The following IGSF21 variants were observed in gnomAD, a reference collection of about 807,000 sequenced individuals.
The protein encoded by IGSF21 is immunoglobulin superfamily member 21.
IGSF21 carries 28 observed loss-of-function variants against 46.8 expected under a neutral mutation model. That is an observed-to-expected ratio of 0.60 (90% CI 0.44 to 0.82). The LOEUF (loss-of-function observed/expected upper bound fraction) is 0.82. Ranked by LOEUF, IGSF21 falls within the 40% of genes least tolerant of loss-of-function variation. The pLI is 0.00. For missense variants in IGSF21, 624 were observed against 665.5 expected (o/e 0.94, Z 0.69); for synonymous variants, 284 against 273.6 (o/e 1.04, Z -0.38).
intron 2 of IGSF21, among the ~76,000 whole-genome samples, chr1:18,272,435 T>A (rs1280742922): frequency 1.3e-5 from 2 of 152,212 alleles, no homozygotes; most frequent in East Asian, 3.8e-4. Flanking sequence ...CTGCGTGGAA[T>A]AAGAGCCCTG....
intron 1 of IGSF21, among the ~76,000 whole-genome samples, chr1:18,215,209 A>G (rs2084431838): frequency 6.6e-6 from 1 of 152,224 alleles, no homozygotes; most frequent in African/African-American, 2.4e-5. Context: ...GCGAAACCAT[A>G]TCACCTGTAG....
At chr1:18,362,767 T>C (rs1294538807) in intron 5 of IGSF21, among the ~76,000 whole-genome samples, 1 of 152,182 alleles carries the variant, frequency 6.6e-6, no homozygotes, top group Non-Finnish European at 1.5e-5. Context: ...AATTCCTTTT[T>C]GACCAACTTA....
In IGSF21 at chr1:18,375,589, G is replaced by A. The variant is rs1321856663; in HGVS notation, c.1016-721G>A. ...AGAGGTGATACAAGAAAGTGAGGAA[G>A]AGAGGCAGGGAGGCTGTGCACAAGG... On this transcript the variant is annotated intron_variant, in intron 6 of 9. Coordinates refer to ENST00000251296, the MANE Select transcript of IGSF21 (RefSeq NM_032880.5). 3.3e-5 allele frequency among the ~76,000 whole-genome samples: 5 copies of A among 152,184 alleles called. No individual in the cohort carries two copies. In the East Asian group the frequency reaches 9.7e-4, roughly 29 times the overall value.
At chr1:18,183,188 C>G (rs2124470426) in intron 1 of IGSF21, among the ~76,000 whole-genome samples, 1 of 152,316 alleles carries the variant, frequency 6.6e-6, no homozygotes, top group East Asian at 1.9e-4. Context: ...TTACCTTGCC[C>G]TGCATGTCTG....
At chr1:18,254,730 G>A (rs939378285) in intron 2 of IGSF21, among the ~76,000 whole-genome samples, 2 of 152,242 alleles carry the variant, frequency 1.3e-5, no homozygotes. Context: ...GACATAGGTT[G>A]TCCAAGCCAA....
intron 1 of IGSF21, among the ~76,000 whole-genome samples, chr1:18,142,474 C>A (rs1049039482): frequency 6.6e-6 from 1 of 152,266 alleles, no homozygotes; most frequent in East Asian, 1.9e-4. Context: ...TTCTTCTCCC[C>A]CTGCCCAAAA....
intron 3 of IGSF21, among the ~76,000 whole-genome samples, chr1:18,320,064 C>A (rs748384883): frequency 1.1e-4 from 17 of 152,190 alleles, no homozygotes; most frequent in Non-Finnish European, 2.1e-4. Context: ...CTTCTCAGAG[C>A]TGGGTACTGT....
chr1:18,117,420 T>C (rs990303392), intron 1 of IGSF21, among the ~76,000 whole-genome samples: 1 of 152,228 alleles, frequency 6.6e-6, no homozygotes, highest in African/African-American at 2.4e-5. Context: ...GCATGGGCTT[T>C]GTAGTCTAAC....
At chr1:18,344,034 G>T (rs1423458590) in intron 4 of IGSF21, among the ~76,000 whole-genome samples, 1 of 152,180 alleles carries the variant, frequency 6.6e-6, no homozygotes, top group African/African-American at 2.4e-5. Flanking sequence ...CTTCCAGGAG[G>T]CCCAGCCAGA....
intron 1 of IGSF21, among the ~76,000 whole-genome samples, chr1:18,129,486 C>T (rs767587454): frequency 1.2e-4 from 18 of 152,274 alleles, no homozygotes; most frequent in Non-Finnish European, 2.6e-4. Context: ...CACGCCACCT[C>T]GATGAGCCTC....
At chr1:18,300,991 T>A (rs115407175) in intron 3 of IGSF21, among the ~76,000 whole-genome samples, 1 of 152,182 alleles carries the variant, frequency 6.6e-6, no homozygotes, top group African/African-American at 2.4e-5. Context: ...GCCCAGGGCC[T>A]CCGTAAAGAT....
chr1:18,145,639 T>C (rs944993604), intron 1 of IGSF21, among the ~76,000 whole-genome samples: 1 of 151,890 alleles, frequency 6.6e-6, no homozygotes, highest in East Asian at 1.9e-4. Context: ...ATACGAGGAC[T>C]GTAATTTATG....
intron 5 of IGSF21, among the ~76,000 whole-genome samples, chr1:18,362,847 G>T (rs912084224): frequency 6.6e-6 from 1 of 152,158 alleles, no homozygotes; most frequent in African/African-American, 2.4e-5. Flanking sequence ...CTCTTGAAGG[G>T]GGTGGGGCAG....
At chr1:18,148,535 G>T (rs1189516905) in intron 1 of IGSF21, among the ~76,000 whole-genome samples, 4 of 152,202 alleles carry the variant, frequency 2.6e-5, no homozygotes, top group African/African-American at 9.6e-5. Flanking sequence ...TAGTGGTAAA[G>T]CTGGGATTTG....
At chr1:18,227,555 A>G (rs1366714172) in intron 1 of IGSF21, among the ~76,000 whole-genome samples, 2 of 151,900 alleles carry the variant, frequency 1.3e-5, no homozygotes, top group Non-Finnish European at 2.9e-5. Flanking sequence ...GGGGTATCTT[A>G]TAGAAATACA....
intron 1 of IGSF21, among the ~76,000 whole-genome samples, chr1:18,141,060 T>A (rs538665033): frequency 6.6e-6 from 1 of 152,300 alleles, no homozygotes; most frequent in Non-Finnish European, 1.5e-5. Context: ...CCAGTCTCCA[T>A]GCCTTCACAA....
At chr1:18,310,530 T>C (rs2085479515) in intron 3 of IGSF21, among the ~76,000 whole-genome samples, 1 of 152,216 alleles carries the variant, frequency 6.6e-6, no homozygotes, top group South Asian at 2.1e-4. Context: ...CTTCCAGTTT[T>C]TGAGCCATGA....
chr1:18,317,445 GCTCC>G (rs762887933), intron 3 of IGSF21, among the ~76,000 whole-genome samples: 5 of 152,166 alleles, frequency 3.3e-5, no homozygotes, highest in African/African-American at 9.7e-5. Flanking sequence ...CACTACCTGT[GCTCC>G]TGGCTACTAA....
chr1:18,249,160 T>C (rs2084812818), intron 2 of IGSF21, among the ~76,000 whole-genome samples: 1 of 152,172 alleles, frequency 6.6e-6, no homozygotes, highest in African/African-American at 2.4e-5. Context: ...TGCTTGAACC[T>C]TACCTGGAGA....
Sources: allele counts gnomAD v4.1 joint callset (sites outside exome capture counted in the v4.1 genomes callset), GRCh38; gene constraint gnomAD v4.1.1; transcripts MANE v1.5; gene names NCBI Gene and HGNC (gene_info 2026-07-23, HGNC 2026-07-21).